Variants in ME3 observed in about 807,000 individuals in gnomAD.
ME3 encodes malic enzyme 3.
Under a neutral mutation model 68.9 loss-of-function variants are expected in ME3, and 48 were observed. That is an observed-to-expected ratio of 0.70 (90% CI 0.55 to 0.89). The LOEUF (loss-of-function observed/expected upper bound fraction) is 0.89, where lower values mean the gene tolerates loss of function less well. ME3 is among the 40% of genes least tolerant of loss of function. ME3 has a pLI of 0.00. For synonymous variants in ME3, 320 were observed against 318.8 expected (o/e 1.00, Z -0.04); for missense variants, 675 against 797.4 (o/e 0.85, Z 1.85).
At chr11:86,671,221 A>T (rs1172964444) in intron 2 of ME3, among the ~76,000 whole-genome samples, 1 of 152,188 alleles carries the variant, frequency 6.6e-6, no homozygotes, top group Non-Finnish European at 1.5e-5. Flanking sequence ...AAGCTCGAAA[A>T]TTTCTATAAG....
At chr11:86,651,857 G>C (rs1353527984) in intron 2 of ME3, among the ~76,000 whole-genome samples, 1 of 152,170 alleles carries the variant, frequency 6.6e-6, no homozygotes. Flanking sequence ...AAAAAGATTA[G>C]ACGAATGGCT....
intron 2 of ME3, among the ~76,000 whole-genome samples, chr11:86,657,864 C>A (rs1946009178): frequency 6.6e-6 from 1 of 152,124 alleles, no homozygotes; most frequent in African/African-American, 2.4e-5. Flanking sequence ...CCTCACAGTG[C>A]CTAGAAGATA....
At chr11:86,527,810 G>T (rs550406229) in intron 4 of ME3, among the ~76,000 whole-genome samples, 1 of 152,326 alleles carries the variant, frequency 6.6e-6, no homozygotes, top group East Asian at 1.9e-4. Context: ...AATGCTGAGA[G>T]ATTTTGTCAC....
At chr11:86,557,190 A>G (rs868719915) in intron 3 of ME3, among the ~76,000 whole-genome samples, 1 of 152,222 alleles carries the variant, frequency 6.6e-6, no homozygotes, top group South Asian at 2.1e-4. Flanking sequence ...AATTCTGGGC[A>G]TATAAGCACT....
intron 4 of ME3, among the ~76,000 whole-genome samples, chr11:86,512,746 G>A (rs746682535): frequency 9.2e-5 from 14 of 152,144 alleles, no homozygotes; most frequent in African/African-American, 2.9e-4. Flanking sequence ...TCCATTTACC[G>A]CACTAAAGTG....
downstream of ME3, among the ~76,000 whole-genome samples, chr11:86,439,844 A>G (rs567923777): frequency 1.3e-5 from 2 of 152,220 alleles, no homozygotes; most frequent in Non-Finnish European, 2.9e-5. Context: ...ATTGTGGGAC[A>G]TGATGTAAAA....
At chr11:86,467,364 C>A (rs541543683) in intron 7 of ME3, among the ~76,000 whole-genome samples, 1 of 152,096 alleles carries the variant, frequency 6.6e-6, no homozygotes, top group East Asian at 1.9e-4. Flanking sequence ...GTCTCCCCAC[C>A]CACCATCCAG....
chr11:86,492,425 G>A (rs1160394150), intron 6 of ME3, among the ~76,000 whole-genome samples: 1 of 152,212 alleles, frequency 6.6e-6, no homozygotes, highest in Non-Finnish European at 1.5e-5. Flanking sequence ...GCTGCCCAAA[G>A]TCACAAAACA....
intron 2 of ME3, among the ~76,000 whole-genome samples, chr11:86,595,768 G>A (rs1959340252): frequency 6.6e-6 from 1 of 152,204 alleles, no homozygotes; most frequent in Non-Finnish European, 1.5e-5. Flanking sequence ...TGTGTAAGAG[G>A]CAAGGCTGGC....
chr11:86,545,042 C>A (rs1195448895), intron 4 of ME3, among the ~76,000 whole-genome samples: 1 of 152,146 alleles, frequency 6.6e-6, no homozygotes, highest in Non-Finnish European at 1.5e-5. Context: ...TAAACGTAAT[C>A]CATCACGTAA....
At chr11:86,470,340 C>T (rs764586209) in intron 7 of ME3, among the ~76,000 whole-genome samples, 16 of 152,174 alleles carry the variant, frequency 1.1e-4, no homozygotes, top group Non-Finnish European at 1.3e-4. Flanking sequence ...CACAGCAGAG[C>T]GTTCAGTGAG....
chr11:86,468,316 T>C (rs966067521), intron 7 of ME3, among the ~76,000 whole-genome samples: 3 of 152,160 alleles, frequency 2.0e-5, no homozygotes, highest in Non-Finnish European at 4.4e-5. Flanking sequence ...CACCTATTCA[T>C]CTATCATCAT....
intron 2 of ME3, among the ~76,000 whole-genome samples, chr11:86,662,583 T>G (rs1301698231): frequency 6.6e-6 from 1 of 152,014 alleles, no homozygotes; most frequent in Non-Finnish European, 1.5e-5. Context: ...GGTGACAGAG[T>G]AAGACCCTGT....
chr11:86,484,008 C>T (rs558254381), intron 7 of ME3, among the ~76,000 whole-genome samples: 80 of 152,278 alleles, frequency 5.3e-4, no homozygotes, highest in African/African-American at 1.9e-3. Context: ...TGCCATCAGT[C>T]TTTGTCTCAG....
intron 2 of ME3, among the ~76,000 whole-genome samples, chr11:86,575,995 G>A (rs1958083923): frequency 6.6e-6 from 1 of 152,196 alleles, no homozygotes; most frequent in South Asian, 2.1e-4. Context: ...CTAGTTTTGT[G>A]ATGTTGAGCA....
At chr11:86,520,461 C>A (rs1172817015) in intron 4 of ME3, among the ~76,000 whole-genome samples, 1 of 151,594 alleles carries the variant, frequency 6.6e-6, no homozygotes, top group East Asian at 2.0e-4. Flanking sequence ...AAACAAAAAA[C>A]CCCAAAAAAC....
At chr11:86,546,444 A>G (rs567073785) in intron 4 of ME3, among the ~76,000 whole-genome samples, 172 of 152,340 alleles carry the variant, frequency 1.1e-3, no homozygotes, top group African/African-American at 3.5e-3. Context: ...CCAAAAATCT[A>G]TAAAGAACTT....
intron 8 of ME3, among the ~76,000 whole-genome samples, chr11:86,453,938 T>A (rs1949777513): frequency 6.6e-6 from 1 of 152,246 alleles, no homozygotes; most frequent in Non-Finnish European, 1.5e-5. Flanking sequence ...GTGTTTCTTT[T>A]TTGGCTTTTG....
intron 6 of ME3, 131 bp from the exon 7 acceptor site, chr11:86,487,571 A>G (rs1951769198): frequency 5.9e-6 from 4 of 681,490 alleles, no homozygotes; most frequent in Non-Finnish European, 7.7e-6. Flanking sequence ...AGGTAACTGG[A>G]TCCCCCCCGC....
Sources: allele counts gnomAD v4.1 joint callset (sites outside exome capture counted in the v4.1 genomes callset), GRCh38; gene constraint gnomAD v4.1.1; transcripts MANE v1.5; gene names NCBI Gene and HGNC (gene_info 2026-07-23, HGNC 2026-07-21).